The following NCKAP5 variants were observed in gnomAD, a reference collection of about 807,000 sequenced individuals.
NCKAP5 encodes NCK associated protein 5.
NCKAP5 carries 92 observed loss-of-function variants against 167.0 expected under a neutral mutation model. The ratio of observed to expected loss-of-function variants is 0.55; its 90% CI spans 0.47 to 0.66. The LOEUF is 0.66. Among genes scored for constraint, NCKAP5 ranks in the 30% least tolerant of loss-of-function variants. The pLI, the probability that NCKAP5 is intolerant of heterozygous loss-of-function variation, is 0.00. For synonymous variants in NCKAP5, 891 were observed against 877.4 expected (o/e 1.02, Z -0.27); for missense variants, 2,378 against 2,315.0 (o/e 1.03, Z -0.56).
chr2:132,997,632 G>A (rs1478056729), intron 6 of NCKAP5, among the ~76,000 whole-genome samples: 1 of 151,978 alleles, frequency 6.6e-6, no homozygotes, highest in Non-Finnish European at 1.5e-5. Context: ...TCTAAATACA[G>A]CAGCCTCTTT....
At chr2:133,553,287 A>G (rs1281023648) in intron 2 of NCKAP5, among the ~76,000 whole-genome samples, 3 of 152,218 alleles carry the variant, frequency 2.0e-5, no homozygotes, top group African/African-American at 7.2e-5. Flanking sequence ...GCCAACTGGT[A>G]TGAATATGGC....
At chr2:132,826,307 T>C (rs984199617) in intron 11 of NCKAP5, among the ~76,000 whole-genome samples, 3 of 152,230 alleles carry the variant, frequency 2.0e-5, no homozygotes, top group African/African-American at 7.2e-5. Context: ...CTTTAAATCT[T>C]TGAATCATTT....
At chr2:132,986,783 T>A (rs1264711177) in intron 7 of NCKAP5, among the ~76,000 whole-genome samples, 1 of 152,142 alleles carries the variant, frequency 6.6e-6, no homozygotes, top group Non-Finnish European at 1.5e-5. Flanking sequence ...CTTAAATCAT[T>A]ACAAGGAAAG....
intron 19 of NCKAP5, among the ~76,000 whole-genome samples, chr2:132,710,998 G>A (rs1400815531): frequency 3.9e-5 from 6 of 152,162 alleles, no homozygotes; most frequent in Non-Finnish European, 8.8e-5. Context: ...TTTATTTCAG[G>A]ACCAATGTCT....
At chr2:132,974,704 G>A (rs751685247) in intron 7 of NCKAP5, among the ~76,000 whole-genome samples, 37 of 152,332 alleles carry the variant, frequency 2.4e-4, no homozygotes, top group Non-Finnish European at 2.9e-4. Flanking sequence ...TTAGCCAAGC[G>A]TGAACCATGC....
At chr2:132,916,443 C>T (rs1338569628) in intron 8 of NCKAP5, among the ~76,000 whole-genome samples, 1 of 152,062 alleles carries the variant, frequency 6.6e-6, no homozygotes, top group East Asian at 1.9e-4. Context: ...AAAGGTTCCA[C>T]TGTGACATTA....
chr2:133,107,869 T>C (rs1175372884), intron 6 of NCKAP5, among the ~76,000 whole-genome samples: 1 of 152,194 alleles, frequency 6.6e-6, no homozygotes, highest in Admixed American at 6.5e-5. Context: ...TTAAACATTA[T>C]CTAGTCCATC....
intron 4 of NCKAP5, among the ~76,000 whole-genome samples, chr2:133,258,482 C>G (rs2088732858): frequency 6.6e-6 from 1 of 152,152 alleles, no homozygotes; most frequent in Admixed American, 6.5e-5. Flanking sequence ...TGGCTCACAC[C>G]TGAAATCCCA....
intron 6 of NCKAP5, among the ~76,000 whole-genome samples, chr2:133,049,302 T>C (rs2079518231): frequency 6.6e-6 from 1 of 152,044 alleles, no homozygotes; most frequent in Non-Finnish European, 1.5e-5. Context: ...TCCCAACACT[T>C]TGGGAAGCCT....
chr2:133,194,977 G>A (rs1423688196), intron 5 of NCKAP5, among the ~76,000 whole-genome samples: 2 of 151,940 alleles, frequency 1.3e-5, no homozygotes, highest in African/African-American at 4.8e-5. Flanking sequence ...AACTTCTAAT[G>A]TAATTACATG....
At chr2:132,700,081 T>G (rs889612013) in intron 19 of NCKAP5, among the ~76,000 whole-genome samples, 5 of 151,028 alleles carry the variant, frequency 3.3e-5, no homozygotes, top group Admixed American at 1.3e-4. Flanking sequence ...TGATGGCCAA[T>G]GATGATGAGC....
At chr2:132,703,349 T>C (rs2105261231) in intron 19 of NCKAP5, among the ~76,000 whole-genome samples, 1 of 152,360 alleles carries the variant, frequency 6.6e-6, no homozygotes, top group Admixed American at 6.5e-5. Context: ...CAATTCATCT[T>C]GGAAATTCTT....
chr2:133,030,441 C>G, intron 6 of NCKAP5, among the ~76,000 whole-genome samples: 1 of 152,136 alleles, frequency 6.6e-6, no homozygotes, highest in East Asian at 1.9e-4. Flanking sequence ...TCTCAGTTCT[C>G]AGAAGAAGGT....
intron 2 of NCKAP5, among the ~76,000 whole-genome samples, chr2:133,552,767 A>C (rs950782010): frequency 6.6e-6 from 1 of 152,080 alleles, no homozygotes; most frequent in Non-Finnish European, 1.5e-5. Context: ...AAAAAGAAAA[A>C]AAAAAGATTG....
intron 5 of NCKAP5, among the ~76,000 whole-genome samples, chr2:133,205,780 T>A (rs2085922813): frequency 6.6e-6 from 1 of 152,134 alleles, no homozygotes; most frequent in Non-Finnish European, 1.5e-5. Flanking sequence ...TCTTTTTATA[T>A]CCATTAATAA....
intron 17 of NCKAP5, among the ~76,000 whole-genome samples, chr2:132,730,026 T>C (rs1195653746): frequency 6.6e-6 from 1 of 152,170 alleles, no homozygotes; most frequent in Non-Finnish European, 1.5e-5. Flanking sequence ...TTAACATGCA[T>C]AACCGATGGA....
intron 19 of NCKAP5, among the ~76,000 whole-genome samples, chr2:132,717,201 C>T (rs1463615385): frequency 1.3e-5 from 2 of 152,196 alleles, no homozygotes; most frequent in Non-Finnish European, 2.9e-5. Context: ...TCCCACTGCG[C>T]ATGTCCATCC....
In NCKAP5 at chr2:132,728,860, G is replaced by T; in HGVS notation, c.5536C>A (p.Pro1846Thr). Reference protein sequence around the residue: ...GYAEDPMASQPLPDWGSEVAA... With the variant: ...GYAEDPMASQTLPDWGSEVAA... ...ACTTCACTCCCCCAGTCTGGAAGCG[G>T]CTGGCTTGCCATTGGGTCTTCAGCA... The change falls in exon 18 of 20, where the codon CCG (proline) becomes ACG (threonine). Residue 1846 changes from proline (P) to threonine (T), a missense_variant. Pro to Thr is a conservative substitution (Grantham distance 38, BLOSUM62 -1). This residue lies in a region of NCKAP5 where 1,325 missense variants were observed against 1,274.5 expected (regional missense o/e 1.04). Coordinates refer to ENST00000409261, the MANE Select transcript of NCKAP5 (RefSeq NM_207363.3). 1 of 1,613,966 alleles carries T rather than the reference G, an allele frequency of 6.2e-7. No homozygotes were observed. Among genetic ancestry groups the T allele is most frequent in the Non-Finnish European group, 8.5e-7 (1 of 1,179,862 alleles).
intron 7 of NCKAP5, among the ~76,000 whole-genome samples, chr2:132,971,799 T>TG (rs1432498722): frequency 1.3e-5 from 2 of 152,066 alleles, no homozygotes; most frequent in Non-Finnish European, 2.9e-5. Context: ...TGACAGGGGC[T>TG]GGGGGAGGAG....
Sources: gnomAD v4.1 joint callset for allele counts (sites outside exome capture counted in the v4.1 genomes callset) on GRCh38, gnomAD v4.1.1 for gene constraint, gnomAD v4.1.1 regional missense constraint, MANE v1.5 for transcripts, NCBI Gene and HGNC (gene_info 2026-07-23, HGNC 2026-07-21) for gene names.